Variants in LTF observed in about 807,000 individuals in gnomAD.
LTF encodes the protein epididymis luminal protein 110.
In LTF, 91 loss-of-function variants were observed where a neutral mutation model predicts 87.2. The observed-to-expected ratio is 1.04, with a 90% confidence interval of 0.88 to 1.24. The LOEUF (loss-of-function observed/expected upper bound fraction) is 1.24. Ranked by LOEUF, LTF falls within the 50% of genes most tolerant of loss-of-function variation. The pLI is 0.00. For synonymous variants in LTF, 378 were observed against 356.1 expected (o/e 1.06, Z -0.69); for missense variants, 901 against 904.3 (o/e 1.00, Z 0.05).
chr3:46,474,311 C>G (rs1322053694), intron 1 of LTF, among the ~76,000 whole-genome samples: 1 of 152,074 alleles, frequency 6.6e-6, no homozygotes, highest in Non-Finnish European at 1.5e-5. Flanking sequence ...GGAAGAGCTA[C>G]ATTAATATTA....
In LTF at chr3:46,449,961, A is replaced by C; in HGVS notation, c.950T>G (p.Leu317Arg). The C allele has an allele frequency of 6.2e-7, 1 of 1,614,126 alleles. No homozygotes were observed. Among genetic ancestry groups the C allele is most frequent in the Non-Finnish European group, 8.5e-7 (1 of 1,179,992 alleles). Reference protein sequence around the residue: ...LFGSPSGQKDLLFKDSAIGFS... With the variant: ...LFGSPSGQKDRLFKDSAIGFS... ...CCCAATGGCAGAGTCCTTGAACAGC[A>C]GATCTTTCTGCCCACTAGGGGAGCC... Residue 317 changes from leucine to arginine, a missense_variant, in exon 8 of 17, where the codon CTG becomes CGG. By Grantham distance (102) the Leu-to-Arg change is moderately radical (BLOSUM62 -2). Coordinates refer to ENST00000231751, the MANE Select transcript of LTF (RefSeq NM_002343.6).
At chr3:46,469,198 G>C (rs1329933328), upstream of LTF, among the ~76,000 whole-genome samples, 1 of 152,254 alleles carries the variant, frequency 6.6e-6, no homozygotes, top group African/African-American at 2.4e-5. Context: ...AGTGTCGCCT[G>C]AGGTCACACA....
At chr3:46,459,592 C>CT in intron 2 of LTF, 64 bp downstream of exon 2, 1 of 1,352,400 alleles carries the variant, frequency 7.4e-7, no homozygotes, top group South Asian at 2.2e-5. Flanking sequence ...CGTGTTCTAT[C>CT]TTTTTCCATT....
At chr3:46,480,501 C>G (rs183468190) in intron 1 of LTF, among the ~76,000 whole-genome samples, 1 of 152,106 alleles carries the variant, frequency 6.6e-6, no homozygotes, top group South Asian at 2.1e-4. Context: ...GCTCGTGGAC[C>G]CAGAGAGGCA....
At chr3:46,454,226 C>T (rs17135) in intron 6 of LTF, 79 bp downstream of exon 6, 119,018 of 1,246,100 alleles carry the variant, frequency 0.096, 6,772 homozygotes, top group Admixed American at 0.22. Flanking sequence ...ACTTAGGAAT[C>T]TAATTAGCTC....
chr3:46,456,005 G>T (rs1339193820), intron 3 of LTF, 27 bp from the exon 4 acceptor site: 5 of 1,535,122 alleles, frequency 3.3e-6, no homozygotes, highest in Non-Finnish European at 3.5e-6. Context: ...AGAATTGAAA[G>T]TTCTTAGCCT....
chr3:46,447,426 C>T lies in LTF; in HGVS notation c.1213-28G>A, dbSNP rs1335889366. 4.0e-6 allele frequency: 6 copies of T among 1,514,530 alleles called. No individual in the cohort carries two copies. The East Asian group carries it at 9.0e-5, about 23-fold the overall frequency. The allele number at this position is 1,514,530 out of a possible 1,614,324, so 93.8% of individuals were successfully genotyped here. ...GCAAAGACAGAGCAGATCTCCAGCA[C>T]CACAGTGAGGCTGCATCCCGTCCTG... On this transcript the variant is annotated intron_variant, in intron 9 of 16. Coordinates refer to ENST00000231751, the MANE Select transcript of LTF (RefSeq NM_002343.6).
At chr3:46,461,033 T>C (rs557332200) in intron 1 of LTF, among the ~76,000 whole-genome samples, 2 of 152,342 alleles carry the variant, frequency 1.3e-5, no homozygotes, top group East Asian at 3.9e-4. Context: ...AGAAGATATA[T>C]GAATGGACAA....
Position 46,445,385 on chromosome 3 carries a change from T to A in LTF, c.1409A>T (p.Asn470Ile). 1 of 1,613,820 alleles carries A rather than the reference T, an allele frequency of 6.2e-7. No homozygotes were observed. The change falls in exon 12 of 17, where the codon AAC becomes ATC. Residue 470 changes from asparagine (N) to isoleucine (I), a missense_variant. By Grantham distance (149) the Asn-to-Ile change is moderately radical. Transcript: ENST00000231751. The part of the protein sequence containing the change: ...VRRSDTSLTW[N>I]SVKGKKSCHT... ...GCAGGACTTCTTGCCTTTCACAGAG[T>A]TCCAGGTAAGGCTAGTGTCTGATCT...
Position 46,454,441 on chromosome 3 carries a change from A to G in LTF, c.648-81T>C. 1.7e-6 allele frequency: 2 copies of G among 1,187,942 alleles called. 1 individual carries two copies. The highest frequency in any genetic ancestry group is 2.4e-5 in the South Asian group (2 of 82,530). 73.6% of individuals were successfully genotyped at this position (1,187,942 alleles called of 1,614,324 possible). On this transcript the variant is annotated intron_variant, in intron 5 of 16. Transcript: ENST00000231751. ...CTGTGGAACAGTAGCCCTGGCACTC[A>G]GCATCTATGGGTTTCTACTCCCTGC...
In LTF at chr3:46,436,093, C is replaced by G. The variant is rs1702379170; in HGVS notation, c.*102G>C. ...TAAGCAGATGGATGGGCAATCCCCA[C>G]CTTCAGCAGGGGAGGCCAAGGCCCC... On this transcript the variant is annotated 3_prime_UTR_variant, in exon 17 of 17. Transcript: ENST00000231751. 17 of 1,117,254 alleles carry G rather than the reference C, an allele frequency of 1.5e-5. No individual in the cohort carries two copies. Among genetic ancestry groups the G allele is most frequent in the Non-Finnish European group, 2.3e-5 (17 of 735,032 alleles). The allele number at this position is 1,117,254 out of a possible 1,614,324, so 69.2% of individuals were successfully genotyped here. A position where few individuals can be genotyped will look rare whatever the true frequency, so the allele number is the denominator to read the frequency against.
At chr3:46,482,659 A>AGAAAGCAAGAAAGAAAGAAGGAAGGAAG (rs1553668626) in intron 1 of LTF, among the ~76,000 whole-genome samples, 2 of 60,204 alleles carry the variant, frequency 3.3e-5, no homozygotes, top group Admixed American at 1.7e-4. Context: ...AAAGAAAGAA[A>AGAAAGCAAGAAAGAAAGAAGGAAGGAAG]GAAGGAAGGA....
At chr3:46,444,779 A>T (rs1702604523) in intron 12 of LTF, among the ~76,000 whole-genome samples, 1 of 152,124 alleles carries the variant, frequency 6.6e-6, no homozygotes, top group African/African-American at 2.4e-5. Flanking sequence ...GACTAGGATG[A>T]GTGTGGGGTG....
rs564111926 is a variant in LTF at position 46,449,535 on chromosome 3, G to A, written c.1057+319C>T. Reference sequence around the variant, plus strand: ...TAAGTTCAAGGTCTGGGCCTGGGAAGTGTGGGTAAATCCAGGCCCCCGGAT... The same window carrying A: ...TAAGTTCAAGGTCTGGGCCTGGGAAATGTGGGTAAATCCAGGCCCCCGGAT... On this transcript the variant is annotated intron_variant, in intron 8 of 16. Coordinates refer to ENST00000231751, the MANE Select transcript of LTF (RefSeq NM_002343.6). 9.2e-5 allele frequency among the ~76,000 whole-genome samples: 14 copies of A among 152,350 alleles called. No individual in the cohort carries two copies. In the South Asian group the frequency reaches 1.0e-3, roughly 11 times the overall value.
Position 46,436,136 on chromosome 3 carries a change from G to C in LTF, c.*59C>G, listed in dbSNP as rs966059572. 4 of 1,565,276 alleles carry C rather than the reference G, an allele frequency of 2.6e-6. No homozygotes were observed. In the East Asian group the frequency reaches 6.7e-5, roughly 26 times the overall value. On this transcript the variant is annotated 3_prime_UTR_variant, in exon 17 of 17. Coordinates refer to ENST00000231751, the MANE Select transcript of LTF (RefSeq NM_002343.6). ...AAGGCCCCAACACACCTGGGGAGAAGAGCTGGGGGCAGTGAATGGCTGAGG... is the reference window on the plus strand; with the variant it reads ...AAGGCCCCAACACACCTGGGGAGAACAGCTGGGGGCAGTGAATGGCTGAGG...
At chr3:46,456,112 C>T (rs957675562) in intron 3 of LTF, 134 bp from the exon 4 acceptor site, 8 of 975,078 alleles carry the variant, frequency 8.2e-6, no homozygotes, top group Non-Finnish European at 1.2e-5. Context: ...GTGTCCTCCT[C>T]TCGTGGGTCA....
rs913920082 is a variant in LTF, at chr3:46,461,220, G to A, written c.44-1401C>T. Among the ~76,000 whole-genome samples, 5 of 152,210 alleles carry A rather than the reference G, an allele frequency of 3.3e-5. No homozygotes were observed. In the South Asian group the frequency reaches 6.2e-4, roughly 19 times the overall value. On this transcript the variant is annotated intron_variant, in intron 1 of 16. Transcript: ENST00000231751. ...CATTGCTGAGAATGTAAAATGACCA[G>A]CCACTTTGTAAAACAGGTTGGCAGC... is the stretch of plus-strand genomic sequence containing the variant.
chr3:46,464,725 C>T, intron 1 of LTF, 100 bp downstream of exon 1: 1 of 1,363,768 alleles, frequency 7.3e-7, no homozygotes, highest in Non-Finnish European at 1.0e-6. Context: ...GCGCAGAGAC[C>T]CCGCGCCCAG....
At chr3:46,455,550 T>C in intron 4 of LTF, 108 bp from the exon 5 acceptor site, 3 of 1,368,186 alleles carry the variant, frequency 2.2e-6, no homozygotes, top group South Asian at 2.6e-5. Context: ...CCTCCACCCC[T>C]GCAGGAGAGA....
Sources: gnomAD v4.1 joint callset for allele counts (sites outside exome capture counted in the v4.1 genomes callset) on GRCh38, gnomAD v4.1.1 for gene constraint, MANE v1.5 for transcripts, NCBI Gene and HGNC (gene_info 2026-07-23, HGNC 2026-07-21) for gene names.